Variants in IGLL5 observed in about 807,000 individuals in gnomAD.
IGLL5 encodes the protein immunoglobulin lambda like polypeptide 5.
A neutral mutation model predicts 20.9 loss-of-function variants in IGLL5; 30 were observed. The observed-to-expected ratio is 1.44, with a 90% CI of 1.07 to 1.95. The LOEUF is 1.95. Ranked by LOEUF, IGLL5 falls within the 30% of genes most tolerant of loss-of-function variation. The pLI, the probability that IGLL5 is intolerant of heterozygous loss-of-function variation, is 0.00. For missense variants in IGLL5, 475 were observed against 270.7 expected (o/e 1.75, Z -5.30); for synonymous variants, 203 against 117.3 (o/e 1.73, Z -4.72).
rs536272466 is a variant in IGLL5 at position 22,894,069 on chromosome 22, C to G, written c.325+251C>G. Reference sequence around the variant, plus strand: ...GGATTGGGCAGGGTCAGGGCTCCTCCTCTCTTCCAGGGCAGATGTCTGAGT... The same window carrying G: ...GGATTGGGCAGGGTCAGGGCTCCTCGTCTCTTCCAGGGCAGATGTCTGAGT... On this transcript the variant is annotated intron_variant, in intron 2 of 2. Transcript: ENST00000526893. Among the ~76,000 whole-genome samples, 29 of 151,478 alleles carry G rather than the reference C, an allele frequency of 1.9e-4. 1 individual carries two copies. The South Asian group carries it at 5.4e-3, about 28-fold the overall frequency.
At position 22,890,554 on chromosome 22, in the gene IGLL5, TG is replaced by T; in HGVS notation, c.206+2296del. 2.5e-4 allele frequency among the ~76,000 whole-genome samples: 4 copies of T among 15,918 alleles called. 1 individual carries two copies. The highest frequency in any genetic ancestry group is 0.026 in the East Asian group (1 of 38). The allele number at this position is 15,918 out of a possible 152,430, so 10.4% of individuals were successfully genotyped here. ...GACAAATGATGCTGCAGTGGAAATT[TG>T]TGTGTGTGTGTGTGTGTGTGTGTGT... On this transcript the variant is annotated intron_variant, in intron 1 of 2. Transcript: ENST00000526893.
At chr22:22,894,081 G>C (rs541246711) in intron 2 of IGLL5, among the ~76,000 whole-genome samples, 2 of 151,412 alleles carry the variant, frequency 1.3e-5, no homozygotes, top group African/African-American at 2.4e-5. Flanking sequence ...CTCTTCCAGG[G>C]CAGATGTCTG....
At chr22:22,891,762 A>C (rs2067854372) in intron 1 of IGLL5, among the ~76,000 whole-genome samples, 1 of 151,302 alleles carries the variant, frequency 6.6e-6, no homozygotes, top group Admixed American at 6.6e-5. Flanking sequence ...AATTTTATTG[A>C]AGTTATAAAT....
At position 22,895,259 on chromosome 22, in the gene IGLL5, G is replaced by A. The variant is rs575597144; in HGVS notation, c.326-116G>A. 244 of 917,862 alleles carry A rather than the reference G, an allele frequency of 2.7e-4. 1 individual carries two copies. The African/African-American group carries it at 3.2e-3, about 12-fold the overall frequency. The allele number at this position is 917,862 out of a possible 1,614,324, so 56.9% of individuals were successfully genotyped here. A position where few individuals can be genotyped will look rare whatever the true frequency, so the allele number is the denominator to read the frequency against. The stretch of plus-strand genomic sequence containing the variant: ...TGGGGAAAGAAGAGGAGAGAACCCC[G>A]GGTGGACCGGATGGCCACACTGTGA... On this transcript the variant is annotated intron_variant, in intron 2 of 2. Coordinates refer to ENST00000526893, the MANE Select transcript of IGLL5 (RefSeq NM_001178126.2).
intron 1 of IGLL5, among the ~76,000 whole-genome samples, chr22:22,889,056 A>C (rs2067680617): frequency 6.6e-6 from 1 of 151,298 alleles, no homozygotes; most frequent in Admixed American, 6.6e-5. Context: ...GTCCAGGACG[A>C]GTCCTTGGAT....
intron 1 of IGLL5, among the ~76,000 whole-genome samples, chr22:22,888,892 C>G (rs528639315): frequency 2.0e-5 from 3 of 151,386 alleles, no homozygotes; most frequent in Admixed American, 1.3e-4. Flanking sequence ...GATGCCCAGG[C>G]TGGTCTCACA....
chr22:22,888,239 C>CCTGCGGA lies in IGLL5; in HGVS notation c.187_193dup (p.Ser65ThrfsTer29). ...CCTCAGTTGGAAGCAGCCGATCCAG[C>CCTGCGGA]CTGCGGAGCCTGTGGGGCAGGTAAG... On this transcript the variant is annotated frameshift_variant, in exon 1 of 3. Coordinates refer to ENST00000526893, the MANE Select transcript of IGLL5 (RefSeq NM_001178126.2). LOFTEE classifies it high-confidence loss of function. 1 of 1,547,786 alleles carries CCTGCGGA rather than the reference C, an allele frequency of 6.5e-7. No homozygotes were observed. Among genetic ancestry groups the CCTGCGGA allele is most frequent in the Non-Finnish European group, 8.7e-7 (1 of 1,146,404 alleles).
In IGLL5 at chr22:22,889,643, A is replaced by G. The variant is rs192741374; in HGVS notation, c.206+1384A>G. On this transcript the variant is annotated intron_variant, in intron 1 of 2. Transcript: ENST00000526893. ...TGATCTGTTGCTCAGGCTGGAGTACAGTGGCGTGGCCACAGCTCACTGCAG... is the reference window on the plus strand; with the variant it reads ...TGATCTGTTGCTCAGGCTGGAGTACGGTGGCGTGGCCACAGCTCACTGCAG... 1.2e-3 allele frequency among the ~76,000 whole-genome samples: 176 copies of G among 151,436 alleles called. 1 individual carries two copies. The highest frequency in any genetic ancestry group is 4.0e-3 in the African/African-American group (166 of 41,342).
chr22:22,896,034 A>G lies in IGLL5; in HGVS notation c.*340A>G, dbSNP rs2066759623. The G allele has an allele frequency of 2.1e-6, 1 of 482,874 alleles. No individual in the cohort carries two copies. Among genetic ancestry groups the G allele is most frequent in the Non-Finnish European group, 3.8e-6 (1 of 265,250 alleles). 29.9% of individuals were successfully genotyped at this position (482,874 alleles called of 1,614,324 possible). ...CTCTCCACTGTACCCCTGAGCTACC[A>G]GTCTGGCATCAGTTCAGACCAGTCC... On this transcript the variant is annotated 3_prime_UTR_variant, in exon 3 of 3. Transcript: ENST00000526893.
rs117446046 is a variant in IGLL5 at position 22,889,466 on chromosome 22, A to T, written c.206+1207A>T. The stretch of plus-strand genomic sequence containing the variant: ...AAGGGTTGGTTGGGGGAATAATCAA[A>T]GCTGTAACCAAATCTTTATAACAAG... On this transcript the variant is annotated intron_variant, in intron 1 of 2. Transcript: ENST00000526893. Among the ~76,000 whole-genome samples, 3 of 151,386 alleles carry T rather than the reference A, an allele frequency of 2.0e-5. 1 individual carries two copies. Among genetic ancestry groups the T allele is most frequent in the East Asian group, 2.0e-4 (1 of 4,954 alleles).
chr22:22,893,459 T>G (rs1375105450), intron 1 of IGLL5, among the ~76,000 whole-genome samples: 8 of 151,022 alleles, frequency 5.3e-5, no homozygotes, highest in Non-Finnish European at 1.0e-4. Flanking sequence ...TCTGCCACAC[T>G]GCACAGGAGG....
chr22:22,887,972 C>G lies in IGLL5; in HGVS notation c.-82C>G, dbSNP rs145026872. Reference sequence around the variant, plus strand: ...ACTGGGGTGTACTGTAACAGCCCTGCTGGCGAGAGGGACCAGGGCACCGTC... The same window carrying G: ...ACTGGGGTGTACTGTAACAGCCCTGGTGGCGAGAGGGACCAGGGCACCGTC... On this transcript the variant is annotated 5_prime_UTR_variant, in exon 1 of 3. Transcript: ENST00000526893. 9.0e-6 allele frequency: 10 copies of G among 1,115,400 alleles called. No individual in the cohort carries two copies. The highest frequency in any genetic ancestry group is 5.2e-5 in the East Asian group (2 of 38,726). The allele number at this position is 1,115,400 out of a possible 1,614,324, so 69.1% of individuals were successfully genotyped here.
At chr22:22,894,330 A>G (rs980088789) in intron 2 of IGLL5, among the ~76,000 whole-genome samples, 16 of 151,292 alleles carry the variant, frequency 1.1e-4, no homozygotes, top group South Asian at 6.3e-4. Flanking sequence ...GGGGAGACCA[A>G]TGGAGGGCAC....
intron 1 of IGLL5, among the ~76,000 whole-genome samples, chr22:22,890,595 G>GTGTGTGTA (rs2067810815): frequency 7.3e-6 from 1 of 136,636 alleles, no homozygotes; most frequent in Non-Finnish European, 1.5e-5. Flanking sequence ...GTGTGTGTGT[G>GTGTGTGTA]TGTGTATGTG....
chr22:22,894,136 C>T (rs138683732), intron 2 of IGLL5, among the ~76,000 whole-genome samples: 2 of 151,512 alleles, frequency 1.3e-5, no homozygotes, highest in Admixed American at 1.3e-4. Flanking sequence ...CTGCAGTGTC[C>T]TTAGGGACAT....
In IGLL5 at chr22:22,888,496, C is replaced by A. The variant is rs371648653; in HGVS notation, c.206+237C>A. 1.3e-3 allele frequency among the ~76,000 whole-genome samples: 193 copies of A among 151,424 alleles called. 9 individuals are homozygous for A. In the South Asian group the frequency reaches 0.039, roughly 31 times the overall value. ...TTGATTTCTGAGTTTTCTGGCGCCA[C>A]TTAAATTTTCACCAGGGTCAGTGCC... On this transcript the variant is annotated intron_variant, in intron 1 of 2. Coordinates refer to ENST00000526893, the MANE Select transcript of IGLL5 (RefSeq NM_001178126.2).
intron 1 of IGLL5, among the ~76,000 whole-genome samples, chr22:22,889,428 A>T (rs2067717982): frequency 6.6e-6 from 1 of 151,312 alleles, no homozygotes; most frequent in East Asian, 2.0e-4. Context: ...TTCCACTTCT[A>T]GGAATTTATC....
At chr22:22,892,385 A>G (rs2067875917) in intron 1 of IGLL5, among the ~76,000 whole-genome samples, 1 of 151,170 alleles carries the variant, frequency 6.6e-6, no homozygotes. Flanking sequence ...GAATAAAATC[A>G]GATTTGGAAA....
intron 2 of IGLL5, among the ~76,000 whole-genome samples, chr22:22,894,284 G>C: frequency 2.0e-5 from 3 of 151,228 alleles, no homozygotes; most frequent in East Asian, 2.0e-4. Flanking sequence ...CAGCCTGGGA[G>C]GGCCACACGG....
Sources: gnomAD v4.1 joint callset for allele counts (sites outside exome capture counted in the v4.1 genomes callset) on GRCh38, gnomAD v4.1.1 for gene constraint, MANE v1.5 for transcripts, NCBI Gene and HGNC (gene_info 2026-07-23, HGNC 2026-07-21) for gene names.